The following ARHGEF10 variants were observed in gnomAD, a reference collection of about 807,000 sequenced individuals.
ARHGEF10 encodes the protein Rho guanine nucleotide exchange factor 10, also known as Rho guanine nucleotide exchange factor (GEF) 10.
In ARHGEF10, 140 loss-of-function variants were observed where a neutral mutation model predicts 147.4. That is an observed-to-expected ratio of 0.95 (90% CI 0.83 to 1.09). The LOEUF is 1.09. ARHGEF10 is among the 50% of genes least tolerant of loss of function. The pLI is 0.00. For synonymous variants in ARHGEF10, 902 were observed against 695.8 expected, an observed-to-expected ratio of 1.30 and a Z score of -4.67; for missense variants, 2,222 against 1,752.7, an observed-to-expected ratio of 1.27 and a Z score of -4.78.
chr8:1,897,483 G>T (rs1810086668), intron 14 of ARHGEF10, among the ~76,000 whole-genome samples: 1 of 150,350 alleles, frequency 6.7e-6, no homozygotes, highest in Non-Finnish European at 1.5e-5. Flanking sequence ...TAAGGGATCG[G>T]ATCGCAGTTC....
chr8:1,928,870 A>ATTTC (rs1302356493), intron 24 of ARHGEF10, among the ~76,000 whole-genome samples: 1 of 152,178 alleles, frequency 6.6e-6, no homozygotes, highest in Non-Finnish European at 1.5e-5. Context: ...GAGAAGTGGT[A>ATTTC]TTTCTTTAAA....
chr8:1,883,693 A>G (rs1340387823), intron 10 of ARHGEF10, among the ~76,000 whole-genome samples: 1 of 152,114 alleles, frequency 6.6e-6, no homozygotes, highest in Non-Finnish European at 1.5e-5. Flanking sequence ...GCATTCTAAT[A>G]AAATGTGCAG....
At chr8:1,865,319 G>C (rs1032369720) in intron 5 of ARHGEF10, among the ~76,000 whole-genome samples, 2 of 151,878 alleles carry the variant, frequency 1.3e-5, no homozygotes, top group African/African-American at 4.8e-5. Context: ...CACCCAGGGG[G>C]CCGTCACCAG....
chr8:1,823,693 GA>G (rs1802544834), upstream of ARHGEF10, among the ~76,000 whole-genome samples: 1 of 151,872 alleles, frequency 6.6e-6, no homozygotes, highest in Non-Finnish European at 1.5e-5. Context: ...CGGGGCAGGA[GA>G]TGATCCGGGG....
At position 1,903,502 on chromosome 8, in the gene ARHGEF10, C is replaced by CT. The variant is rs142066694; in HGVS notation, c.1821+52dup. On this transcript the variant is annotated intron_variant, in intron 16 of 28. Coordinates refer to ENST00000349830, the MANE Select transcript of ARHGEF10 (RefSeq NM_014629.4). Reference sequence around the variant, plus strand: ...ATTCCAAAATTATTTTTGCTTTGTGCTAATAAGCTGTCGTTGTCCAGCAAT... The same window carrying CT: ...ATTCCAAAATTATTTTTGCTTTGTGCTTAATAAGCTGTCGTTGTCCAGCAAT... The CT allele has an allele frequency of 1.1e-3, 1,758 of 1,602,270 alleles. 10 individuals carry two copies. The African/African-American group carries it at 0.021, about 19-fold the overall frequency.
At chr8:1,953,867 C>T (rs1188328861) in intron 28 of ARHGEF10, among the ~76,000 whole-genome samples, 1 of 152,158 alleles carries the variant, frequency 6.6e-6, no homozygotes, top group Non-Finnish European at 1.5e-5. Flanking sequence ...AAACGCTTTG[C>T]AGGAAGCTTG....
chr8:1,912,465 T>A (rs1485570709), intron 18 of ARHGEF10, among the ~76,000 whole-genome samples: 1 of 111,270 alleles, frequency 9.0e-6, no homozygotes, highest in African/African-American at 3.6e-5. Flanking sequence ...GTGGGTTGAG[T>A]GTTTGCCGTG....
intron 14 of ARHGEF10, among the ~76,000 whole-genome samples, chr8:1,897,874 C>T (rs1483897873): frequency 1.3e-5 from 2 of 152,088 alleles, no homozygotes; most frequent in African/African-American, 4.8e-5. Flanking sequence ...GGACCTGAGC[C>T]CCAAAGAGTC....
In ARHGEF10 at chr8:1,885,524, CT is replaced by C. The variant is rs57467911; in HGVS notation, c.1076-69del. 1.6e-3 allele frequency: 1,705 copies of C among 1,058,744 alleles called. 17 individuals are homozygous for C. Among genetic ancestry groups the C allele is most frequent in the Middle Eastern group, 0.013 (62 of 4,796 alleles). The allele number at this position is 1,058,744 out of a possible 1,614,324, so 65.6% of individuals were successfully genotyped here. On this transcript the variant is annotated intron_variant, in intron 10 of 28. Coordinates refer to ENST00000349830, the MANE Select transcript of ARHGEF10 (RefSeq NM_014629.4). ...AGGTCTACACAAAATATTTATTTGA[CT>C]TTTTTTTACTGTACTGTAGTGTTGT...
At chr8:1,842,566 G>T (rs1804177368) in intron 1 of ARHGEF10, among the ~76,000 whole-genome samples, 1 of 152,248 alleles carries the variant, frequency 6.6e-6, no homozygotes, top group South Asian at 2.1e-4. Context: ...TCCTGATGCG[G>T]CGAGGGCCTG....
intron 18 of ARHGEF10, among the ~76,000 whole-genome samples, chr8:1,911,966 T>C (rs1811390910): frequency 6.6e-6 from 1 of 152,256 alleles, no homozygotes; most frequent in Non-Finnish European, 1.5e-5. Context: ...TCAGAAATTC[T>C]CATTCTCAGT....
intron 3 of ARHGEF10, 50 bp from the exon 4 acceptor site, chr8:1,859,847 G>C: frequency 6.2e-7 from 1 of 1,610,324 alleles, no homozygotes; most frequent in Non-Finnish European, 8.5e-7. Flanking sequence ...GGGCATGCCT[G>C]CCATGCCCTT....
At chr8:1,928,731 G>C (rs955690540) in intron 24 of ARHGEF10, 81 bp downstream of exon 24, 21 of 1,504,230 alleles carry the variant, frequency 1.4e-5, no homozygotes, top group Non-Finnish European at 1.7e-5. Flanking sequence ...CCTGGAAAGA[G>C]TCCTTGACTT....
chr8:1,829,389 C>G (rs1056738525), intron 1 of ARHGEF10, among the ~76,000 whole-genome samples: 10 of 152,372 alleles, frequency 6.6e-5, no homozygotes, highest in African/African-American at 2.2e-4. Context: ...GGCGGTTGCC[C>G]TGTGTGGGCC....
Position 1,949,811 on chromosome 8 carries a change from G to T in ARHGEF10, c.3398-2894G>T, listed in dbSNP as rs112162898. On this transcript the variant is annotated intron_variant, in intron 27 of 28. Coordinates refer to ENST00000349830, the MANE Select transcript of ARHGEF10 (RefSeq NM_014629.4). ...GGAGCCACAGCCTTTCTCGGTGGCC[G>T]GTGTGGCCCTGGCCTGTCCTTTGTT... Among the ~76,000 whole-genome samples, 1,253 of 151,780 alleles carry T rather than the reference G, an allele frequency of 8.3e-3. 18 individuals carry two copies. The highest frequency in any genetic ancestry group is 0.029 in the African/African-American group (1,183 of 41,478).
rs1808910392 is a variant in ARHGEF10, at chr8:1,888,185, AGGGTTTGCGAGGAGAC to A, written c.1182+2479_1182+2494del. 7.7e-5 allele frequency among the ~76,000 whole-genome samples: 5 copies of A among 65,118 alleles called. No homozygotes were observed. In the African/African-American group the frequency reaches 8.5e-4, roughly 11 times the overall value. 42.7% of individuals were successfully genotyped at this position (65,118 alleles called of 152,430 possible). ...TTGCGAGGAGACAGTGAGTGGGGTG[AGGGTTTGCGAGGAGAC>A]ACTTAGTGGGGCGAGGGTTGCGAGG... On this transcript the variant is annotated intron_variant, in intron 11 of 28. Transcript: ENST00000349830.
intron 8 of ARHGEF10, 72 bp from the exon 9 acceptor site, chr8:1,879,976 C>T: frequency 9.3e-7 from 1 of 1,073,930 alleles, no homozygotes; most frequent in Non-Finnish European, 1.5e-6. Context: ...CCAGCATCCT[C>T]TCAATGTAAA....
chr8:1,835,233 G>A (rs769517218), intron 1 of ARHGEF10, among the ~76,000 whole-genome samples: 3 of 152,216 alleles, frequency 2.0e-5, no homozygotes, highest in South Asian at 2.1e-4. Context: ...CTCGAGGCCC[G>A]AGTGCCGGAC....
In ARHGEF10 at chr8:1,894,494, G is replaced by C. The variant is rs752826935; in HGVS notation, c.1362G>C (p.Ser454=). The C allele has an allele frequency of 6.2e-7, 1 of 1,614,198 alleles. No individual in the cohort carries two copies. Among genetic ancestry groups the C allele is most frequent in the Admixed American group, 1.7e-5 (1 of 60,012 alleles). Residue 454 remains serine, a synonymous_variant, in exon 13 of 29, where the codon TCG becomes TCC. Coordinates refer to ENST00000349830, the MANE Select transcript of ARHGEF10 (RefSeq NM_014629.4). ...TCAAAGAGATCCTGCAGTGCCACTC[G>C]CTATTTCAGATCGCGCTGGCCAGCC... ...YRVKEILQCH[S]LFQIALASRV... is the part of the protein sequence containing the mutation.
Sources: allele counts gnomAD v4.1 joint callset (sites outside exome capture counted in the v4.1 genomes callset), GRCh38; gene constraint gnomAD v4.1.1; transcripts MANE v1.5; gene names NCBI Gene and HGNC (gene_info 2026-07-23, HGNC 2026-07-21).